The following VAC14 variants were observed in gnomAD, a reference collection of about 807,000 sequenced individuals.
VAC14 encodes VAC14 component of PIKFYVE complex.
Under a neutral mutation model 85.3 loss-of-function variants are expected in VAC14, and 47 were observed. That is an observed-to-expected ratio of 0.55 (90% CI 0.44 to 0.70). The LOEUF (loss-of-function observed/expected upper bound fraction) is 0.70, where lower values mean the gene tolerates loss of function less well. Ranked by LOEUF, VAC14 falls within the 30% of genes least tolerant of loss-of-function variation. The pLI, the probability that VAC14 is intolerant of heterozygous loss-of-function variation, is 0.00. For synonymous variants in VAC14, 447 were observed against 430.5 expected (o/e 1.04, Z -0.47); for missense variants, 861 against 1,004.3 (o/e 0.86, Z 1.93).
intron 12 of VAC14, chr16:70,756,071 T>C (rs2031823285): frequency 2.2e-6 from 1 of 456,692 alleles, no homozygotes; most frequent in Non-Finnish European, 4.4e-6. Flanking sequence ...TGACAAGGAC[T>C]GCTTGGGAAG....
chr16:70,756,235 G>C, intron 12 of VAC14: 1 of 352,016 alleles, frequency 2.8e-6, no homozygotes, highest in Non-Finnish European at 5.7e-6. Flanking sequence ...GGGCTGGGCT[G>C]AGGCTCCAGG....
chr16:70,711,092 C>T (rs1157277502), intron 14 of VAC14, among the ~76,000 whole-genome samples: 6 of 152,250 alleles, frequency 3.9e-5, no homozygotes, highest in East Asian at 1.9e-4. Flanking sequence ...CAGAAGGCTG[C>T]GCATTTACCC....
chr16:70,780,817 G>A lies in VAC14; in HGVS notation c.1069C>T (p.Leu357=). Residue 357 remains leucine, a synonymous_variant, in exon 9 of 19, where the codon CTG becomes TTG. Coordinates refer to ENST00000261776, the MANE Select transcript of VAC14 (RefSeq NM_018052.5). ...RQAEPTPDDA[L]PKQEGTASGG... is the part of the protein sequence containing the mutation. ...CTGGCTGTGCCCTCCTGCTTTGGCA[G>A]GGCATCGTCAGGGGTGGGCTCTGCC... 6.2e-7 allele frequency: 1 copy of A among 1,609,054 alleles called. No individual in the cohort carries two copies. Among genetic ancestry groups the A allele is most frequent in the African/African-American group, 1.3e-5 (1 of 74,952 alleles).
chr16:70,720,051 A>T (rs2054251274), intron 14 of VAC14, among the ~76,000 whole-genome samples: 1 of 152,196 alleles, frequency 6.6e-6, no homozygotes, highest in South Asian at 2.1e-4. Flanking sequence ...AATCTCACAA[A>T]CCCAATGTGG....
intron 18 of VAC14, chr16:70,690,747 C>G: frequency 1.0e-6 from 1 of 985,472 alleles, no homozygotes; most frequent in Non-Finnish European, 1.2e-6. Context: ...GGGTGTGAGC[C>G]GTCCTCTGGG....
chr16:70,785,981 T>C, intron 2 of VAC14, 112 bp from the exon 3 acceptor site: 5 of 1,370,168 alleles, frequency 3.6e-6, no homozygotes, highest in Non-Finnish European at 3.9e-6. Flanking sequence ...GGCCTTTGTG[T>C]GAGGGCTGGG....
At chr16:70,734,595 T>C (rs147670513) in intron 13 of VAC14, among the ~76,000 whole-genome samples, 4 of 152,340 alleles carry the variant, frequency 2.6e-5, no homozygotes, top group Non-Finnish European at 5.9e-5. Context: ...GTCTCTGGTC[T>C]ATTTTGAGTT....
chr16:70,703,382 A>G (rs1336601216), intron 14 of VAC14, among the ~76,000 whole-genome samples: 1 of 150,758 alleles, frequency 6.6e-6, no homozygotes, highest in Non-Finnish European at 1.5e-5. Flanking sequence ...CTCTTGTACC[A>G]CCCTGGAGAC....
At chr16:70,740,287 T>C (rs572072836) in intron 13 of VAC14, among the ~76,000 whole-genome samples, 28 of 152,264 alleles carry the variant, frequency 1.8e-4, no homozygotes, top group African/African-American at 4.6e-4. Flanking sequence ...CCCAGCAGCA[T>C]TGGGCCCCGT....
chr16:70,787,104 A>C (rs776237363), intron 1 of VAC14, among the ~76,000 whole-genome samples: 5 of 152,146 alleles, frequency 3.3e-5, no homozygotes, highest in Non-Finnish European at 7.3e-5. Context: ...AGCCGGTGAA[A>C]GTTTTCCAGC....
At chr16:70,729,727 T>C (rs2143001250) in intron 14 of VAC14, among the ~76,000 whole-genome samples, 1 of 152,114 alleles carries the variant, frequency 6.6e-6, no homozygotes, top group South Asian at 2.1e-4. Flanking sequence ...TCCCTCTCAC[T>C]CGACCTCTTC....
chr16:70,733,008 AGGTT>A (rs1357403001), intron 13 of VAC14, among the ~76,000 whole-genome samples: 1 of 152,208 alleles, frequency 6.6e-6, no homozygotes, highest in African/African-American at 2.4e-5. Flanking sequence ...ATATACCATA[AGGTT>A]AATCCTTTTA....
chr16:70,722,077 T>G (rs1220321942), intron 14 of VAC14, among the ~76,000 whole-genome samples: 1 of 152,134 alleles, frequency 6.6e-6, no homozygotes, highest in Non-Finnish European at 1.5e-5. Context: ...CAGGTGCCTT[T>G]AAAAGATGGA....
intron 16 of VAC14, 23 bp from the exon 17 acceptor site, chr16:70,695,646 T>C (rs2053691098): frequency 6.8e-6 from 11 of 1,609,166 alleles, no homozygotes; most frequent in Non-Finnish European, 9.4e-6. Flanking sequence ...TCAAGGAAAG[T>C]CTGTCTGCTG....
At chr16:70,747,995 T>C (rs924197289) in intron 12 of VAC14, 3 of 150,948 alleles carry the variant, frequency 2.0e-5, no homozygotes, top group Non-Finnish European at 4.4e-5. Flanking sequence ...AGGAGCAGGC[T>C]GTCCTCGCTC....
At chr16:70,702,824 C>T (rs967375988) in intron 14 of VAC14, among the ~76,000 whole-genome samples, 2 of 152,192 alleles carry the variant, frequency 1.3e-5, no homozygotes, top group African/African-American at 2.4e-5. Context: ...GGGATCTGTA[C>T]AGACAGGTGG....
rs181924705 is a variant in VAC14 at position 70,751,719 on chromosome 16, G to T, written c.1372-7140C>A. The stretch of plus-strand genomic sequence containing the variant: ...CTGTACCCAGGAAGGGTCCCCTGGG[G>T]GAGCCATGGGAAGGACAGTAGGGCT... On this transcript the variant is annotated intron_variant, in intron 12 of 18. Transcript: ENST00000261776. Among the ~76,000 whole-genome samples, 12 of 152,376 alleles carry T rather than the reference G, an allele frequency of 7.9e-5. No homozygotes were observed. In the East Asian group the frequency reaches 2.3e-3, roughly 29 times the overall value.
chr16:70,716,975 T>G (rs561850481), intron 14 of VAC14: 3 of 152,338 alleles, frequency 2.0e-5, no homozygotes, highest in Non-Finnish European at 2.9e-5. Context: ...AGTCACTCCT[T>G]CAGTTACCCC....
intron 12 of VAC14, 131 bp from the exon 13 acceptor site, chr16:70,744,710 A>G (rs117850571): frequency 0.016 from 17,476 of 1,094,370 alleles, 186 homozygotes; most frequent in Non-Finnish European, 0.02. Flanking sequence ...GCAGGCTGGG[A>G]AGAGCCACTA....
Sources: allele counts gnomAD v4.1 joint callset (sites outside exome capture counted in the v4.1 genomes callset), GRCh38; gene constraint gnomAD v4.1.1; transcripts MANE v1.5; gene names NCBI Gene and HGNC (gene_info 2026-07-23, HGNC 2026-07-21).